ANK2: variants seen among roughly 807,000 people sequenced by gnomAD.
The protein encoded by ANK2 is ankyrin 2.
In ANK2, 83 loss-of-function variants were observed where a neutral mutation model predicts 360.5. That is an observed-to-expected ratio of 0.23 (90% CI 0.19 to 0.28). The LOEUF is 0.28. Among genes scored for constraint, ANK2 ranks in the 10% least tolerant of loss-of-function variants. The pLI is 1.00. For synonymous variants in ANK2, 1,740 were observed against 1,759.5 expected (o/e 0.99, Z 0.28); for missense variants, 4,201 against 4,795.7 (o/e 0.88, Z 3.66).
chr4:112,800,536 C>G, the ANK2 span, among the ~76,000 whole-genome samples: 4 of 152,158 alleles, frequency 2.6e-5, no homozygotes, highest in African/African-American at 9.7e-5. Flanking sequence ...ATTAACTTCT[C>G]TCTGCGTCTA....
chr4:113,055,572 G>A (rs2069292991), intron 1 of ANK2, among the ~76,000 whole-genome samples: 1 of 152,146 alleles, frequency 6.6e-6, no homozygotes, highest in South Asian at 2.1e-4. Context: ...CTAGATGGCA[G>A]CAGCAATGAC....
chr4:113,023,825 T>A (rs1267515226), intron 2 of ANK2, among the ~76,000 whole-genome samples: 1 of 151,984 alleles, frequency 6.6e-6, no homozygotes. Flanking sequence ...ATCAATGAAT[T>A]TTCTTCACGA....
chr4:112,782,780 G>A, the ANK2 span, among the ~76,000 whole-genome samples: 2 of 151,828 alleles, frequency 1.3e-5, no homozygotes, highest in African/African-American at 4.8e-5. Context: ...GAGGCAGGAG[G>A]ATCTCTTGAA....
At chr4:113,293,843 T>C (rs954525094) in intron 22 of ANK2, among the ~76,000 whole-genome samples, 10 of 152,204 alleles carry the variant, frequency 6.6e-5, no homozygotes, top group Admixed American at 1.3e-4. Flanking sequence ...CCCTTTCCTT[T>C]AGTTGTGTGT....
intron 1 of ANK2, among the ~76,000 whole-genome samples, chr4:112,890,554 TG>T (rs1560971231): frequency 1.5e-5 from 2 of 137,170 alleles, no homozygotes; most frequent in African/African-American, 2.9e-5. Flanking sequence ...TACATTTCTG[TG>T]GTTTTTTTTT....
intron 1 of ANK2, among the ~76,000 whole-genome samples, chr4:112,837,054 C>G (rs888828016): frequency 6.6e-6 from 1 of 152,234 alleles, no homozygotes; most frequent in Non-Finnish European, 1.5e-5. Context: ...GTCTTCAAGG[C>G]AGCCCCTCCC....
chr4:112,810,310 AT>A, the ANK2 span, among the ~76,000 whole-genome samples: 2 of 151,170 alleles, frequency 1.3e-5, no homozygotes, highest in Non-Finnish European at 3.0e-5. Context: ...CCAAATAAAG[AT>A]TTTTTTCTTA....
Position 113,357,904 on chromosome 4 carries a change from A to G in ANK2, c.9286A>G (p.Ser3096Gly), listed in dbSNP as rs144158934. The G allele has an allele frequency of 4.1e-4, 661 of 1,614,086 alleles. 6 individuals are homozygous for G. The African/African-American group carries it at 8.2e-3, about 20-fold the overall frequency. ...RTPTEEGTPT[S>G]EQNPFLFQEG... Reference sequence around the variant, plus strand: ...CCCAACTGAAGAGGGGACCCCAACAAGTGAGCAAAACCCATTTCTGTTTCA... The same window carrying G: ...CCCAACTGAAGAGGGGACCCCAACAGGTGAGCAAAACCCATTTCTGTTTCA... Residue 3096 changes from serine to glycine, a missense_variant, in exon 38 of 46, where the codon AGT (serine) becomes GGT (glycine). By Grantham distance (56) the Ser-to-Gly change is moderately conservative. Transcript: ENST00000357077.
In ANK2 at chr4:113,178,331, G is replaced by A. The variant is rs545132427; in HGVS notation, c.186+3814G>A. The stretch of plus-strand genomic sequence containing the variant: ...ACCTGTAATCCCAGCACTTTGGGAG[G>A]CCAGGAGGTGGGTGGATTGCCTGAG... On this transcript the variant is annotated intron_variant, in intron 2 of 45. Coordinates refer to ENST00000357077, the MANE Select transcript of ANK2 (RefSeq NM_001148.6). Among the ~76,000 whole-genome samples the A allele has an allele frequency of 3.3e-5, 5 of 152,262 alleles. No homozygotes were observed. In the South Asian group the frequency reaches 8.3e-4, roughly 25 times the overall value.
intron 2 of ANK2, among the ~76,000 whole-genome samples, chr4:113,025,527 C>T (rs10029917): frequency 0.34 from 51,342 of 152,032 alleles, 8,938 homozygotes; most frequent in East Asian, 0.5. Context: ...ACATAATGTT[C>T]CTTCTATTCA....
intron 1 of ANK2, among the ~76,000 whole-genome samples, chr4:112,881,509 T>C (rs2076683122): frequency 6.6e-6 from 1 of 152,216 alleles, no homozygotes; most frequent in Non-Finnish European, 1.5e-5. Context: ...AAAGTCCTTT[T>C]TTTCTAGAAG....
At chr4:113,027,633 C>T (rs1319614877) in intron 2 of ANK2, among the ~76,000 whole-genome samples, 5 of 152,046 alleles carry the variant, frequency 3.3e-5, no homozygotes, top group Non-Finnish European at 5.9e-5. Context: ...GTCTTACAGC[C>T]ATTTCCTTTT....
At chr4:113,307,177 A>C (rs969034558) in intron 23 of ANK2, among the ~76,000 whole-genome samples, 2 of 152,198 alleles carry the variant, frequency 1.3e-5, no homozygotes, top group Non-Finnish European at 2.9e-5. Context: ...AGTAATCAAG[A>C]GAACTCCAGA....
intron 2 of ANK2, among the ~76,000 whole-genome samples, chr4:113,011,618 G>A (rs2054766181): frequency 1.3e-5 from 2 of 152,134 alleles, no homozygotes; most frequent in African/African-American, 4.8e-5. Flanking sequence ...GGTTTGTCAA[G>A]ATTTCTCTGG....
At chr4:112,788,757 A>T in the ANK2 span, 1 of 1,537,832 alleles carries the variant, frequency 6.5e-7, no homozygotes, top group Non-Finnish European at 8.9e-7. Context: ...GTCCTGTCCA[A>T]TGCCAAAATT....
rs2097201450 is a variant in ANK2, at chr4:113,383,451, G to C, written c.*1980G>C. 1 of 152,634 alleles carries C rather than the reference G, an allele frequency of 6.6e-6. No individual in the cohort carries two copies. Among genetic ancestry groups the C allele is most frequent in the Non-Finnish European group, 1.5e-5 (1 of 68,030 alleles). 9.5% of individuals were successfully genotyped at this position (152,634 alleles called of 1,614,324 possible). A position where few individuals can be genotyped will look rare whatever the true frequency, so the allele number is the denominator to read the frequency against. ...ACTGGAGCTCAAGAAAAGCATTTCT[G>C]TTGTGTTATTTGCAGTGCAGATGAT... On this transcript the variant is annotated 3_prime_UTR_variant, in exon 46 of 46. Transcript: ENST00000357077.
Position 113,358,340 on chromosome 4 carries a change from A to G in ANK2, c.9722A>G (p.Gln3241Arg), listed in dbSNP as rs1163070067. The change falls in exon 38 of 46, where the codon CAG becomes CGG. Residue 3241 changes from glutamine to arginine, a missense_variant. Gln to Arg is a conservative substitution (Grantham distance 43). This residue lies in a region of ANK2 where 2,642 missense variants were observed against 2,714.5 expected (regional missense o/e 0.97). Transcript: ENST00000357077. ...ATACCTCCTCTCTCTGGTGTAAAGCAGATATCCTGCCCCGACTCTTCTGAA... is the reference window on the plus strand; with the variant it reads ...ATACCTCCTCTCTCTGGTGTAAAGCGGATATCCTGCCCCGACTCTTCTGAA... ...GDIPPLSGVK[Q>R]ISCPDSSEPA... 1 of 1,613,912 alleles carries G rather than the reference A, an allele frequency of 6.2e-7. No individual in the cohort carries two copies.
chr4:112,830,618 A>T (rs28796914), intron 1 of ANK2, among the ~76,000 whole-genome samples: 79,037 of 132,252 alleles, frequency 0.6, 20,829 homozygotes, highest in African/African-American at 0.65. Flanking sequence ...TATTATTATT[A>T]TTTTTTTTTG....
At chr4:113,207,775 C>G (rs1475269242) in intron 4 of ANK2, among the ~76,000 whole-genome samples, 1 of 151,762 alleles carries the variant, frequency 6.6e-6, no homozygotes, top group Admixed American at 6.6e-5. Context: ...AATTCACGCA[C>G]TCACTCACTC....
Sources: allele counts gnomAD v4.1 joint callset (sites outside exome capture counted in the v4.1 genomes callset), GRCh38; gene constraint gnomAD v4.1.1; regional missense constraint gnomAD v4.1.1; transcripts MANE v1.5; gene names NCBI Gene and HGNC (gene_info 2026-07-23, HGNC 2026-07-21).